The following ANOS1 variants were observed in gnomAD, a reference collection of about 807,000 sequenced individuals.
ANOS1 encodes the protein anosmin 1, also known as anosmin-1.
A neutral mutation model predicts 59.0 loss-of-function variants in ANOS1; 6 were observed. The ratio of observed to expected loss-of-function variants is 0.10; its 90% confidence interval spans 0.06 to 0.20. ANOS1 has a LOEUF of 0.20. Among genes scored for constraint, ANOS1 ranks in the 10% least tolerant of loss-of-function variants. ANOS1 has a pLI of 1.00. For missense variants in ANOS1, 433 were observed against 542.3 expected (o/e 0.80, Z 2.00); for synonymous variants, 217 against 223.4 (o/e 0.97, Z 0.25).
chrX:8,717,273 A>G (rs1250577224), intron 1 of ANOS1, among the ~76,000 whole-genome samples: 1 of 112,508 alleles, frequency 8.9e-6, no homozygotes, highest in Non-Finnish European at 1.9e-5. Context: ...ATCTTGCCCT[A>G]TTAAAAACAG....
chrX:8,611,508 A>T (rs1475058671), intron 3 of ANOS1, among the ~76,000 whole-genome samples: 4 of 111,138 alleles, frequency 3.6e-5, no homozygotes, highest in Non-Finnish European at 7.6e-5. Context: ...CCCTAAGCAG[A>T]AGAAACAAAG....
At chrX:8,619,881 G>A (rs146099731) in intron 3 of ANOS1, among the ~76,000 whole-genome samples, 1,931 of 112,322 alleles carry the variant, frequency 0.017, 44 homozygotes, top group African/African-American at 0.059. Context: ...AGAAGTAACA[G>A]TACTCTAAAT....
rs1319325215 is a variant in ANOS1 at position 8,610,037 on chromosome X, AAC to A, written c.319-12783_319-12782del. Among the ~76,000 whole-genome samples, 411 of 45,625 alleles carry A rather than the reference AAC, an allele frequency of 9.0e-3. 43 individuals carry two copies. Among genetic ancestry groups the A allele is most frequent in the African/African-American group, 0.022 (259 of 11,639 alleles). 39.6% of individuals were successfully genotyped at this position (45,625 alleles called of 115,157 possible). On this transcript the variant is annotated intron_variant, in intron 3 of 13. Transcript: ENST00000262648. ...AAAAAAAAAAAAAAAAAAAAAAAACAACAACCTTTAAAGAGCACCCATTTTTC... is the reference window on the plus strand; with the variant it reads ...AAAAAAAAAAAAAAAAAAAAAAAACAAACCTTTAAAGAGCACCCATTTTTC...
At position 8,568,289 on chromosome X, in the gene ANOS1, G is replaced by A. The variant is rs761052947; in HGVS notation, c.1150C>T (p.Arg384Trp). ...LQAITYWGQT[R>W]LKSAKVSLHF... ...AGGGACACCTTTGCACTCTTCAGCC[G>A]TGTCTGTCCCCAGTACGTTATGGCT... is the stretch of plus-strand genomic sequence containing the variant. Residue 384 changes from arginine to tryptophan, a missense_variant, in exon 8 of 14, where the codon CGG becomes TGG. By Grantham distance (101) the Arg-to-Trp change is moderately radical. Coordinates refer to ENST00000262648, the MANE Select transcript of ANOS1 (RefSeq NM_000216.4). 17 of 1,207,517 alleles carry A rather than the reference G, an allele frequency of 1.4e-5. No homozygotes were observed. The highest frequency in any genetic ancestry group is 7.0e-5 in the African/African-American group (4 of 57,003).
chrX:8,605,625 G>A (rs1349028664), intron 3 of ANOS1, among the ~76,000 whole-genome samples: 4 of 81,742 alleles, frequency 4.9e-5, no homozygotes, highest in Non-Finnish European at 9.0e-5. Flanking sequence ...TAGACTGGGC[G>A]ACAGAAGGAG....
At chrX:8,567,679 A>G (rs1036384632) in intron 8 of ANOS1, among the ~76,000 whole-genome samples, 14 of 111,295 alleles carry the variant, frequency 1.3e-4, no homozygotes, top group African/African-American at 4.2e-4. Flanking sequence ...CTGTAATCCC[A>G]GCTACTCAGG....
intron 2 of ANOS1, among the ~76,000 whole-genome samples, chrX:8,645,858 G>A (rs745874538): frequency 8.9e-5 from 10 of 112,367 alleles, no homozygotes; most frequent in African/African-American, 2.3e-4. Flanking sequence ...GGGTTTCAAC[G>A]TGGTCTCGAT....
intron 2 of ANOS1, among the ~76,000 whole-genome samples, chrX:8,679,895 G>A (rs1932394853): frequency 9.0e-6 from 1 of 110,856 alleles, no homozygotes; most frequent in Non-Finnish European, 1.9e-5. Flanking sequence ...TGTGAATACT[G>A]AAGCTCAGTA....
At chrX:8,612,169 T>C (rs2146837626) in intron 3 of ANOS1, among the ~76,000 whole-genome samples, 1 of 112,168 alleles carries the variant, frequency 8.9e-6, no homozygotes, top group African/African-American at 3.2e-5. Context: ...ATAGAAATCC[T>C]AAGTTTTGTC....
chrX:8,590,206 C>A (rs1285891667), intron 4 of ANOS1, among the ~76,000 whole-genome samples: 1 of 112,073 alleles, frequency 8.9e-6, no homozygotes, highest in African/African-American at 3.2e-5. Flanking sequence ...CATCCTTCTT[C>A]ATAATTGGCT....
chrX:8,537,990 A>G (rs1261809873), intron 10 of ANOS1, among the ~76,000 whole-genome samples: 1 of 111,152 alleles, frequency 9.0e-6, no homozygotes, highest in Non-Finnish European at 1.9e-5. Flanking sequence ...AATGTTCAAA[A>G]GAGACCGGGA....
Position 8,731,836 on chromosome X carries a change from G to A in ANOS1, c.201C>T (p.His67=). Residue 67 remains histidine, a synonymous_variant, in exon 1 of 14, where the codon CAC becomes CAT. Transcript: ENST00000262648. ...QITRISAFFQ[H]FQNNGSLVWC... Reference sequence around the variant, plus strand: ...GGCGGGGGCCTCCCCGTACCTGGAAGTGCTGGAAGAAGGCGGAGATGCGAG... The same window carrying A: ...GGCGGGGGCCTCCCCGTACCTGGAAATGCTGGAAGAAGGCGGAGATGCGAG... The A allele has an allele frequency of 8.4e-7, 1 of 1,192,230 alleles. No homozygotes were observed. Among genetic ancestry groups the A allele is most frequent in the Non-Finnish European group, 1.1e-6 (1 of 886,877 alleles).
chrX:8,697,331 T>C (rs1224970804), intron 2 of ANOS1, among the ~76,000 whole-genome samples: 1 of 111,953 alleles, frequency 8.9e-6, no homozygotes, highest in African/African-American at 3.2e-5. Context: ...AGAATAGGGC[T>C]TTGGATTTTA....
intron 1 of ANOS1, among the ~76,000 whole-genome samples, chrX:8,723,130 C>T (rs114767900): frequency 0.052 from 5,790 of 112,143 alleles, 198 homozygotes; most frequent in African/African-American, 0.12. Context: ...TGGAATAACC[C>T]TTTGAGACAC....
intron 6 of ANOS1, among the ~76,000 whole-genome samples, chrX:8,570,924 C>T (rs1930220398): frequency 1.8e-5 from 2 of 109,807 alleles, no homozygotes; most frequent in South Asian, 7.9e-4. Flanking sequence ...ACAGCCTGGG[C>T]AACATAGTGA....
chrX:8,574,750 C>T (rs952071147), intron 6 of ANOS1, among the ~76,000 whole-genome samples: 10 of 111,532 alleles, frequency 9.0e-5, no homozygotes, highest in African/African-American at 3.3e-4. Context: ...GGACTGGCTT[C>T]CTTGCTCCTT....
intron 2 of ANOS1, among the ~76,000 whole-genome samples, chrX:8,679,691 A>C (rs1932390580): frequency 9.0e-6 from 1 of 111,080 alleles, no homozygotes; most frequent in Non-Finnish European, 1.9e-5. Flanking sequence ...TTAGTTTGGT[A>C]AGATGAAAAA....
intron 1 of ANOS1, among the ~76,000 whole-genome samples, chrX:8,727,431 C>T (rs961908284): frequency 1.8e-5 from 2 of 112,315 alleles, no homozygotes; most frequent in Non-Finnish European, 3.8e-5. Flanking sequence ...TTGTGTCTGT[C>T]CCCATTCCAT....
chrX:8,646,606 G>C (rs1931761064), intron 2 of ANOS1, among the ~76,000 whole-genome samples: 1 of 110,579 alleles, frequency 9.0e-6, no homozygotes, highest in Non-Finnish European at 1.9e-5. Flanking sequence ...CTGCCAAAAG[G>C]GGGAAGGCTT....
Sources: allele counts gnomAD v4.1 joint callset (sites outside exome capture counted in the v4.1 genomes callset), GRCh38; gene constraint gnomAD v4.1.1; transcripts MANE v1.5; gene names NCBI Gene and HGNC (gene_info 2026-07-23, HGNC 2026-07-21).